Variants in LAMA1 observed in about 807,000 individuals in gnomAD.
LAMA1 encodes the protein laminin subunit alpha 1.
Under a neutral mutation model 348.7 loss-of-function variants are expected in LAMA1, and 219 were observed. The observed-to-expected ratio is 0.63, with a 90% confidence interval of 0.56 to 0.70. LAMA1 has a LOEUF of 0.70. Ranked by LOEUF, LAMA1 falls within the 30% of genes least tolerant of loss-of-function variation. LAMA1 has a pLI of 0.00. For synonymous variants in LAMA1, 1,487 were observed against 1,491.0 expected, an observed-to-expected ratio of 1.00 and a Z score of 0.06; for missense variants, 3,744 against 3,888.0, an observed-to-expected ratio of 0.96 and a Z score of 0.99.
rs754831080 is a variant in LAMA1, at chr18:6,997,536, G to A, written c.4806+206C>T. 7.2e-5 allele frequency among the ~76,000 whole-genome samples: 11 copies of A among 152,148 alleles called. No homozygotes were observed. In the East Asian group the frequency reaches 1.2e-3, roughly 16 times the overall value. ...CTGAAATGATGAGAGCTGTCCCACC[G>A]TGAAACAAGCTAGCGTGTGAGATAA... On this transcript the variant is annotated intron_variant, in intron 33 of 62. Coordinates refer to ENST00000389658, the MANE Select transcript of LAMA1 (RefSeq NM_005559.4).
At chr18:7,029,035 T>A (rs1159177250) in intron 16 of LAMA1, among the ~76,000 whole-genome samples, 1 of 152,222 alleles carries the variant, frequency 6.6e-6, no homozygotes, top group Non-Finnish European at 1.5e-5. Flanking sequence ...ATTCCTCAGG[T>A]TGATGAAAGT....
At chr18:6,991,008 G>A (rs565644303) in intron 36 of LAMA1, among the ~76,000 whole-genome samples, 16 of 152,172 alleles carry the variant, frequency 1.1e-4, no homozygotes, top group African/African-American at 2.9e-4. Flanking sequence ...CACTCTCCTG[G>A]CACAGAGGAG....
intron 55 of LAMA1, among the ~76,000 whole-genome samples, chr18:6,958,088 T>C (rs2057588914): frequency 1.3e-5 from 2 of 152,152 alleles, no homozygotes; most frequent in African/African-American, 4.8e-5. Context: ...GGGGAAGCCA[T>C]TGATAACCTG....
chr18:6,968,800 C>T (rs78076094), intron 48 of LAMA1, among the ~76,000 whole-genome samples: 5,431 of 152,196 alleles, frequency 0.036, 218 homozygotes, highest in African/African-American at 0.096. Context: ...AATTCATTTA[C>T]TTGGTAATAT....
At chr18:7,100,969 C>CA (rs934725797) in intron 1 of LAMA1, among the ~76,000 whole-genome samples, 1 of 152,036 alleles carries the variant, frequency 6.6e-6, no homozygotes, top group African/African-American at 2.4e-5. Context: ...AAGATCACAC[C>CA]ACTGCACTCC....
intron 36 of LAMA1, among the ~76,000 whole-genome samples, chr18:6,988,916 A>G (rs553734325): frequency 4.8e-5 from 2 of 41,970 alleles, no homozygotes; most frequent in African/African-American, 1.4e-4. Context: ...TAAAGAGTCA[A>G]CGTGGCGGGC....
rs201415974 is a variant in LAMA1 at position 7,080,278 on chromosome 18, G to A, written c.232+9C>T. 2.8e-5 allele frequency: 45 copies of A among 1,613,950 alleles called. No individual in the cohort carries two copies. In the Admixed American group the frequency reaches 4.3e-4, roughly 16 times the overall value. On this transcript the variant is annotated intron_variant, in intron 2 of 62. Transcript: ENST00000389658. Reference sequence around the variant, plus strand: ...ATGGGAATTTCAGAAATAAAGGCGCGACACTTGCCTCTGGGGTTTGCGCTG... The same window carrying A: ...ATGGGAATTTCAGAAATAAAGGCGCAACACTTGCCTCTGGGGTTTGCGCTG...
chr18:7,098,963 G>T (rs1250190480), intron 1 of LAMA1, among the ~76,000 whole-genome samples: 1 of 152,200 alleles, frequency 6.6e-6, no homozygotes, highest in Non-Finnish European at 1.5e-5. Context: ...CCGTCTGGGA[G>T]GTGTACTCAA....
At chr18:7,006,286 A>G (rs1384204303) in intron 29 of LAMA1, among the ~76,000 whole-genome samples, 1 of 152,332 alleles carries the variant, frequency 6.6e-6, no homozygotes. Flanking sequence ...CCCCGAGACC[A>G]ATCTTGGCCT....
chr18:6,953,926 G>A (rs148589793), intron 57 of LAMA1: 1 of 152,478 alleles, frequency 6.6e-6, no homozygotes, highest in Non-Finnish European at 1.5e-5. Context: ...CTAGGAACAA[G>A]TACCCTTCAT....
At position 6,978,344 on chromosome 18, in the gene LAMA1, C is replaced by A; in HGVS notation, c.6042G>T (p.Leu2014=). Residue 2014 remains leucine (L), a synonymous_variant, in exon 43 of 63, where the codon CTG becomes CTT. Coordinates refer to ENST00000389658, the MANE Select transcript of LAMA1 (RefSeq NM_005559.4). ...CCGCGCTCTGGCTTGCAGACGTGGC[C>A]AGCTCTTTGGTTTTGGCTCCCTTGT... is the stretch of plus-strand genomic sequence containing the variant. ...IRDKGAKTKE[L]ATSASQSAVS... 6.2e-7 allele frequency: 1 copy of A among 1,614,154 alleles called. No individual in the cohort carries two copies.
At chr18:6,969,804 C>T (rs946068524) in intron 48 of LAMA1, among the ~76,000 whole-genome samples, 1 of 151,996 alleles carries the variant, frequency 6.6e-6, no homozygotes, top group Admixed American at 6.6e-5. Flanking sequence ...TCAAGGGGAA[C>T]AAAACATGTG....
intron 9 of LAMA1, among the ~76,000 whole-genome samples, chr18:7,040,914 C>A (rs551855079): frequency 5.3e-5 from 8 of 152,228 alleles, no homozygotes; most frequent in African/African-American, 1.9e-4. Flanking sequence ...TATATGGTTC[C>A]ATTTCTAAGT....
chr18:6,982,423 A>C, intron 41 of LAMA1, 74 bp downstream of exon 41: 1 of 1,195,934 alleles, frequency 8.4e-7, no homozygotes, highest in Non-Finnish European at 1.3e-6. Flanking sequence ...TGCAAGGAGA[A>C]CATTCTTAGA....
In LAMA1 at chr18:7,015,799, G is replaced by A. The variant is rs2057885014; in HGVS notation, c.3049C>T (p.Pro1017Ser). 2 of 1,613,920 alleles carry A rather than the reference G, an allele frequency of 1.2e-6. No individual in the cohort carries two copies. Among genetic ancestry groups the A allele is most frequent in the Non-Finnish European group, 1.7e-6 (2 of 1,179,990 alleles). The change falls in exon 22 of 63, where the codon CCC becomes TCC. Residue 1017 changes from proline (P) to serine (S), a missense_variant. By Grantham distance (74) the Pro-to-Ser change is moderately conservative. Transcript: ENST00000389658. ...CDPETGECVC[P>S]PHTQGVKCEE... ...CACTTCACACCCTGTGTGTGAGGGG[G>A]GCAGACACACTCTCCAGTTTCTGGG...
chr18:6,984,167 C>T (rs2144055239), intron 39 of LAMA1, among the ~76,000 whole-genome samples: 1 of 151,812 alleles, frequency 6.6e-6, no homozygotes, highest in East Asian at 1.9e-4. Flanking sequence ...CTACTGATCC[C>T]TAAGACATAT....
rs1490629228 is a variant in LAMA1, at chr18:7,064,858, TCGTC to T, written c.346-13926_346-13923del. 4.6e-5 allele frequency among the ~76,000 whole-genome samples: 7 copies of T among 152,332 alleles called. No homozygotes were observed. The East Asian group carries it at 1.2e-3, about 25-fold the overall frequency. On this transcript the variant is annotated intron_variant, in intron 3 of 62. Coordinates refer to ENST00000389658, the MANE Select transcript of LAMA1 (RefSeq NM_005559.4). The stretch of plus-strand genomic sequence containing the variant: ...ATTATATGATTGACAATTCTCATGA[TCGTC>T]TTGTAAATACTACGGAGGAAAAGGT...
intron 3 of LAMA1, among the ~76,000 whole-genome samples, chr18:7,072,213 T>A (rs1302520787): frequency 6.6e-6 from 1 of 152,228 alleles, no homozygotes; most frequent in Non-Finnish European, 1.5e-5. Context: ...AATTAGATTC[T>A]ATTAAGGCCT....
intron 1 of LAMA1, among the ~76,000 whole-genome samples, chr18:7,093,793 T>C (rs2143805906): frequency 7.3e-6 from 1 of 137,476 alleles, no homozygotes; most frequent in African/African-American, 2.8e-5. Flanking sequence ...TTTTTTTTTT[T>C]TCAGACAATC....
Sources: allele counts gnomAD v4.1 joint callset (sites outside exome capture counted in the v4.1 genomes callset), GRCh38; gene constraint gnomAD v4.1.1; transcripts MANE v1.5; gene names NCBI Gene and HGNC (gene_info 2026-07-23, HGNC 2026-07-21).